The following KLF8 variants were observed in gnomAD, a reference collection of about 807,000 sequenced individuals.
KLF8 encodes the protein Krueppel-like factor 8.
A neutral mutation model predicts 18.2 loss-of-function variants in KLF8; 10 were observed. That is an observed-to-expected ratio of 0.55 (90% CI 0.34 to 0.93). The LOEUF is 0.93. KLF8 is among the 40% of genes least tolerant of loss of function. The pLI is 0.02. For synonymous variants in KLF8, 109 were observed against 97.3 expected (o/e 1.12, Z -0.71); for missense variants, 264 against 277.9 (o/e 0.95, Z 0.36).
At chrX:56,070,209 G>A in the KLF8 span, among the ~76,000 whole-genome samples, 3 of 110,422 alleles carry the variant, frequency 2.7e-5, no homozygotes, top group East Asian at 8.6e-4. Flanking sequence ...AAGAACACAT[G>A]GACACAGGGA....
At chrX:55,991,195 C>T in the KLF8 span, among the ~76,000 whole-genome samples, 1 of 112,086 alleles carries the variant, frequency 8.9e-6, no homozygotes, top group Admixed American at 9.4e-5. Flanking sequence ...CTACTCAAGC[C>T]TCGGCAATGG....
chrX:56,196,344 G>T, the KLF8 span, among the ~76,000 whole-genome samples: 8 of 111,146 alleles, frequency 7.2e-5, no homozygotes, highest in Non-Finnish European at 1.5e-4. Context: ...CCCATCTCAC[G>T]TGCAAAGATG....
At chrX:56,170,111 A>G in the KLF8 span, among the ~76,000 whole-genome samples, 1 of 111,327 alleles carries the variant, frequency 9.0e-6, no homozygotes, top group Non-Finnish European at 1.9e-5. Context: ...ATTAGTCTAG[A>G]AAAACCACAG....
At chrX:56,154,114 A>C in the KLF8 span, among the ~76,000 whole-genome samples, 2 of 111,322 alleles carry the variant, frequency 1.8e-5, no homozygotes, top group Non-Finnish European at 3.8e-5. Context: ...AAAAGAGCCC[A>C]CATCGCCAAG....
chrX:56,239,110 T>A (rs1341473933), intron 1 of KLF8, among the ~76,000 whole-genome samples: 1 of 112,340 alleles, frequency 8.9e-6, no homozygotes, highest in African/African-American at 3.2e-5. Flanking sequence ...CTCTCCCAAT[T>A]ATTGCTCATA....
the KLF8 span, among the ~76,000 whole-genome samples, chrX:55,951,767 A>C: frequency 9.0e-6 from 1 of 110,785 alleles, no homozygotes; most frequent in Non-Finnish European, 1.9e-5. Context: ...GGTTTTCTCA[A>C]TCTTGGCTGC....
At chrX:55,977,494 C>CCT in the KLF8 span, among the ~76,000 whole-genome samples, 1 of 105,433 alleles carries the variant, frequency 9.5e-6, no homozygotes, top group East Asian at 3.0e-4. Flanking sequence ...ATGCATCCTT[C>CCT]GTGTGTGTGT....
the KLF8 span, among the ~76,000 whole-genome samples, chrX:55,960,635 AAGAAGG>A: frequency 1.9e-3 from 215 of 110,637 alleles, 1 homozygote; most frequent in Middle Eastern, 0.014. Flanking sequence ...AGAAAAGAAG[AAGAAGG>A]AGAAGGAGAA....
At chrX:56,051,065 GT>G in the KLF8 span, among the ~76,000 whole-genome samples, 49 of 110,010 alleles carry the variant, frequency 4.5e-4, no homozygotes, top group Middle Eastern at 4.7e-3. Context: ...TTTAAAGTCT[GT>G]TTTATCAGAG....
At chrX:56,009,347 G>C in the KLF8 span, among the ~76,000 whole-genome samples, 3 of 111,232 alleles carry the variant, frequency 2.7e-5, no homozygotes, top group Non-Finnish European at 5.7e-5. Context: ...AACTTCAGCA[G>C]GCCTGTGGAA....
At chrX:56,064,604 CTATT>C in the KLF8 span, among the ~76,000 whole-genome samples, 6 of 111,298 alleles carry the variant, frequency 5.4e-5, no homozygotes, top group Non-Finnish European at 5.7e-5. Flanking sequence ...TTATTTTTCT[CTATT>C]TATCACTGGG....
the KLF8 span, among the ~76,000 whole-genome samples, chrX:56,156,334 A>G: frequency 9.0e-6 from 1 of 110,910 alleles, no homozygotes; most frequent in Non-Finnish European, 1.9e-5. Context: ...TTCATCACCC[A>G]GGTATTAAGC....
chrX:56,019,500 A>G, the KLF8 span, among the ~76,000 whole-genome samples: 1 of 112,715 alleles, frequency 8.9e-6, no homozygotes. Context: ...CACTTGCTCT[A>G]TGCAGCAAAC....
chrX:56,010,877 G>A, the KLF8 span, among the ~76,000 whole-genome samples: 3 of 111,844 alleles, frequency 2.7e-5, no homozygotes, highest in South Asian at 1.1e-3. Context: ...AGAGAAAGAA[G>A]GGCATTACAT....
chrX:56,082,355 T>C, the KLF8 span, among the ~76,000 whole-genome samples: 1 of 111,328 alleles, frequency 9.0e-6, no homozygotes, highest in African/African-American at 3.3e-5. Context: ...TTTTTTTTAG[T>C]CAATCTGACT....
chrX:56,249,799 G>A (rs1177263585), intron 1 of KLF8, among the ~76,000 whole-genome samples: 2 of 111,691 alleles, frequency 1.8e-5, no homozygotes, highest in Non-Finnish European at 3.8e-5. Flanking sequence ...CACCTGGCTT[G>A]CAGATTTAAG....
chrX:56,091,584 C>T, the KLF8 span, among the ~76,000 whole-genome samples: 3 of 110,280 alleles, frequency 2.7e-5, no homozygotes, highest in Non-Finnish European at 5.7e-5. Flanking sequence ...GCAACCTCCG[C>T]CTCTCAGGTT....
At chrX:56,170,711 G>A in the KLF8 span, among the ~76,000 whole-genome samples, 2 of 110,828 alleles carry the variant, frequency 1.8e-5, no homozygotes, top group Non-Finnish European at 3.8e-5. Context: ...CTTCAAAAGG[G>A]CAAATCAATA....
chrX:55,970,235 G>C, the KLF8 span, among the ~76,000 whole-genome samples: 2 of 111,008 alleles, frequency 1.8e-5, no homozygotes, highest in Non-Finnish European at 3.8e-5. Flanking sequence ...TCATGATTAA[G>C]TGGATTTATT....
Sources: allele counts gnomAD v4.1 joint callset (sites outside exome capture counted in the v4.1 genomes callset), GRCh38; gene constraint gnomAD v4.1.1; transcripts MANE v1.5; gene names NCBI Gene and HGNC (gene_info 2026-07-23, HGNC 2026-07-21).